Variants in AUTS2 observed in about 807,000 individuals in gnomAD.
AUTS2 encodes activator of transcription and developmental regulator AUTS2.
In AUTS2, 17 loss-of-function variants were observed where a neutral mutation model predicts 112.4. The observed-to-expected ratio is 0.15, with a 90% confidence interval of 0.10 to 0.23. AUTS2 has a LOEUF of 0.23. AUTS2 is among the 10% of genes least tolerant of loss of function. The probability of loss-of-function intolerance (pLI) is 1.00; values close to 1 mark genes in which losing one functional copy is unlikely to be tolerated. For synonymous variants in AUTS2, 751 were observed against 702.7 expected (o/e 1.07, Z -1.09); for missense variants, 1,510 against 1,701.6 (o/e 0.89, Z 1.98).
At chr7:70,517,372 C>T (rs985448951) in intron 5 of AUTS2, among the ~76,000 whole-genome samples, 1 of 151,934 alleles carries the variant, frequency 6.6e-6, no homozygotes, top group African/African-American at 2.4e-5. Flanking sequence ...TGAACTGACA[C>T]CTGAATCTTA....
chr7:69,838,991 G>T (rs927674980), intron 1 of AUTS2, among the ~76,000 whole-genome samples: 9 of 152,158 alleles, frequency 5.9e-5, no homozygotes, highest in Admixed American at 5.9e-4. Flanking sequence ...TTTTTGGTCA[G>T]ATCTGGTCAT....
intron 5 of AUTS2, among the ~76,000 whole-genome samples, chr7:70,685,356 C>G (rs1222145923): frequency 6.6e-6 from 1 of 151,634 alleles, no homozygotes; most frequent in East Asian, 2.0e-4. Flanking sequence ...CCCTGTAGAC[C>G]CAGCTTCTCA....
chr7:70,524,310 A>G (rs1190332425), intron 5 of AUTS2, among the ~76,000 whole-genome samples: 1 of 152,184 alleles, frequency 6.6e-6, no homozygotes, highest in East Asian at 1.9e-4. Context: ...CCCACTTACA[A>G]TGGTCATTAT....
chr7:69,658,358 G>A (rs1191670657), intron 1 of AUTS2, among the ~76,000 whole-genome samples: 4 of 152,162 alleles, frequency 2.6e-5, no homozygotes, highest in Admixed American at 2.6e-4. Flanking sequence ...GAGTTATTCT[G>A]ATCCTAAAAG....
chr7:70,672,477 C>T (rs1383844075), intron 5 of AUTS2, among the ~76,000 whole-genome samples: 1 of 152,186 alleles, frequency 6.6e-6, no homozygotes, highest in East Asian at 1.9e-4. Context: ...GGTCCTCGGC[C>T]AGAGACCTGC....
intron 2 of AUTS2, among the ~76,000 whole-genome samples, chr7:69,920,288 T>C (rs1303299453): frequency 6.6e-6 from 1 of 152,086 alleles, no homozygotes; most frequent in Non-Finnish European, 1.5e-5. Flanking sequence ...GTCCTCTCTC[T>C]TTCTTTCTTT....
At chr7:70,581,683 CT>C (rs1802455872) in intron 5 of AUTS2, among the ~76,000 whole-genome samples, 1 of 152,214 alleles carries the variant, frequency 6.6e-6, no homozygotes, top group Non-Finnish European at 1.5e-5. Flanking sequence ...CAACCTTAGC[CT>C]TAACCAAGAA....
intron 5 of AUTS2, among the ~76,000 whole-genome samples, chr7:70,524,258 C>G (rs904281670): frequency 1.3e-5 from 2 of 152,186 alleles, no homozygotes; most frequent in Admixed American, 6.5e-5. Flanking sequence ...TTTCCAGAGG[C>G]CTGGAAGTAT....
chr7:70,371,944 G>GT (rs1385430278), intron 4 of AUTS2, among the ~76,000 whole-genome samples: 3 of 152,114 alleles, frequency 2.0e-5, no homozygotes, highest in East Asian at 1.9e-4. Context: ...ACTAAAGTAT[G>GT]TTTTTTCTCT....
At chr7:70,481,061 A>G (rs1296637066) in intron 5 of AUTS2, among the ~76,000 whole-genome samples, 1 of 152,208 alleles carries the variant, frequency 6.6e-6, no homozygotes, top group Admixed American at 6.5e-5. Flanking sequence ...TGAGAGGCAC[A>G]CCCAGTACAG....
intron 6 of AUTS2, among the ~76,000 whole-genome samples, chr7:70,738,364 A>C (rs1787892602): frequency 1.3e-5 from 2 of 151,560 alleles, no homozygotes; most frequent in Non-Finnish European, 2.9e-5. Context: ...TGAAGCACTT[A>C]GATTAACTAG....
At chr7:70,635,398 T>C (rs1241996193) in intron 5 of AUTS2, among the ~76,000 whole-genome samples, 1 of 152,162 alleles carries the variant, frequency 6.6e-6, no homozygotes, top group South Asian at 2.1e-4. Context: ...TGCTGCCTTT[T>C]AGTGGAGATA....
In AUTS2 at chr7:69,683,362, A is replaced by ATT. The variant is rs1796899384; in HGVS notation, c.309+83402_309+83403dup. On this transcript the variant is annotated intron_variant, in intron 1 of 18. Transcript: ENST00000342771. ...GTGGACCTGGCTTTTAGTTGCCTGCATTTGCATATCAATGCTTGCAGGTCT... is the reference window on the plus strand; with the variant it reads ...GTGGACCTGGCTTTTAGTTGCCTGCATTTTTGCATATCAATGCTTGCAGGTCT... 2.0e-5 allele frequency among the ~76,000 whole-genome samples: 3 copies of ATT among 152,184 alleles called. No individual in the cohort carries two copies. In the South Asian group the frequency reaches 6.2e-4, roughly 31 times the overall value.
chr7:69,961,395 G>A (rs1055415609), intron 2 of AUTS2, among the ~76,000 whole-genome samples: 7 of 152,134 alleles, frequency 4.6e-5, no homozygotes, highest in African/African-American at 1.7e-4. Flanking sequence ...GATAGACAAG[G>A]TGATTGTATC....
At chr7:70,777,225 T>C (rs1249888092) in intron 14 of AUTS2, 51 bp downstream of exon 14, 2 of 1,527,874 alleles carry the variant, frequency 1.3e-6, no homozygotes, top group South Asian at 2.2e-5. Context: ...CATGTGAGTG[T>C]GTGACGTGCT....
chr7:70,397,634 T>C (rs1794146718), intron 4 of AUTS2, among the ~76,000 whole-genome samples: 1 of 151,114 alleles, frequency 6.6e-6, no homozygotes, highest in East Asian at 1.9e-4. Context: ...TATTTACATA[T>C]GTATACAACT....
At chr7:69,931,443 A>G (rs1796224480) in intron 2 of AUTS2, among the ~76,000 whole-genome samples, 1 of 152,190 alleles carries the variant, frequency 6.6e-6, no homozygotes, top group African/African-American at 2.4e-5. Flanking sequence ...GCTGTCAGAG[A>G]ATGAGCTCTT....
rs1214148512 is a variant in AUTS2 at position 70,118,194 on chromosome 7, G to A, written c.585G>A (p.Lys195=). Residue 195 remains lysine (K), a synonymous_variant, in exon 3 of 19, where the codon AAG becomes AAA. Transcript: ENST00000342771. Reference sequence around the variant, plus strand: ...GTGAAAGTGCCAGTGGAGAATCCAAGGGCTTCCACCGGAGCAGCTCTCGGG... The same window carrying A: ...GTGAAAGTGCCAGTGGAGAATCCAAAGGCTTCCACCGGAGCAGCTCTCGGG... ...SDSESASGES[K]GFHRSSSRER... is the part of the protein sequence containing the mutation. The A allele has an allele frequency of 1.2e-6, 2 of 1,609,278 alleles. No individual in the cohort carries two copies. The highest frequency in any genetic ancestry group is 1.7e-6 in the Non-Finnish European group (2 of 1,178,624).
chr7:69,813,554 A>G (rs750553513), intron 1 of AUTS2, among the ~76,000 whole-genome samples: 10 of 152,340 alleles, frequency 6.6e-5, no homozygotes, highest in South Asian at 4.1e-4. Context: ...GATTATGTCT[A>G]TCTCTCAGAA....
Sources: allele counts gnomAD v4.1 joint callset (sites outside exome capture counted in the v4.1 genomes callset), GRCh38; gene constraint gnomAD v4.1.1; transcripts MANE v1.5; gene names NCBI Gene and HGNC (gene_info 2026-07-23, HGNC 2026-07-21).